The following USP10 variants were observed in gnomAD, a reference collection of about 807,000 sequenced individuals.
The protein encoded by USP10 is ubiquitin carboxyl-terminal hydrolase 10.
In USP10, 22 loss-of-function variants were observed where a neutral mutation model predicts 84.5. The observed-to-expected ratio is 0.26, with a 90% CI of 0.19 to 0.37. The LOEUF (loss-of-function observed/expected upper bound fraction) is 0.37, where lower values mean the gene tolerates loss of function less well. Among genes scored for constraint, USP10 ranks in the 10% least tolerant of loss-of-function variants. USP10 has a pLI of 1.00. For missense variants in USP10, 1,019 were observed against 998.9 expected (o/e 1.02, Z -0.27); for synonymous variants, 454 against 387.6 (o/e 1.17, Z -2.01).
chr16:84,760,119 T>C (rs1342229359), intron 7 of USP10, 53 bp from the exon 8 acceptor site: 3 of 1,559,986 alleles, frequency 1.9e-6, no homozygotes, highest in Admixed American at 1.9e-5. Flanking sequence ...GCTTTTTTCA[T>C]CATTTATGAG....
Position 84,779,076 on chromosome 16 carries a change from G to T in USP10, c.2391G>T (p.Leu797=), listed in dbSNP as rs763824477. ...AYLLYYRRVD[L]L ...TCCTGTATTACCGCCGAGTGGACCT[G>T]CTGTAAACCCTGTGTGCGCTGTGTG... Residue 797 remains leucine, a synonymous_variant, in exon 14 of 14, where the codon CTG becomes CTT. Transcript: ENST00000219473. The T allele has an allele frequency of 1.2e-5, 20 of 1,613,082 alleles. No individual in the cohort carries two copies. In the South Asian group the frequency reaches 1.9e-4, roughly 15 times the overall value.
chr16:84,753,181 G>T (rs1009478423), intron 4 of USP10, among the ~76,000 whole-genome samples: 1 of 152,042 alleles, frequency 6.6e-6, no homozygotes, highest in East Asian at 1.9e-4. Flanking sequence ...GAGTCTCACT[G>T]TGTGGCCCAG....
rs776559739 is a variant in USP10, at chr16:84,760,267, T to C, written c.1546T>C (p.Ser516Pro). Residue 516 changes from serine to proline, a missense_variant, in exon 8 of 14, where the codon TCT becomes CCT. By Grantham distance (74) the Ser-to-Pro change is moderately conservative. Around this residue, in one of 2 missense-constraint regions of USP10, gnomAD observed 787 missense variants for 708.8 expected, o/e 1.11. Transcript: ENST00000219473. ...RLLTVNKSSLSEKGRQEDAEE... is the reference protein window; with the variant it reads ...RLLTVNKSSLPEKGRQEDAEE... ...CCTGACAGTTAACAAGTCAAGCCTG[T>C]CTGAAAAGGTTTGAGACTTCTCTGT... 1 of 1,603,824 alleles carries C rather than the reference T, an allele frequency of 6.2e-7. No individual in the cohort carries two copies. Among genetic ancestry groups the C allele is most frequent in the Non-Finnish European group, 8.5e-7 (1 of 1,174,574 alleles).
intron 12 of USP10, 97 bp from the exon 13 acceptor site, chr16:84,775,063 G>C (rs1567655626): frequency 1.9e-6 from 2 of 1,051,516 alleles, no homozygotes; most frequent in Admixed American, 3.5e-5. Context: ...CTGACAGGCA[G>C]TTTACTTGCT....
intron 11 of USP10, among the ~76,000 whole-genome samples, chr16:84,768,932 C>T (rs1049517752): frequency 1.3e-5 from 2 of 152,116 alleles, no homozygotes; most frequent in African/African-American, 2.4e-5. Flanking sequence ...TGGTGGAGTC[C>T]TTGTCAACTC....
intron 1 of USP10, among the ~76,000 whole-genome samples, chr16:84,707,146 A>G (rs1320756240): frequency 6.6e-6 from 1 of 152,156 alleles, no homozygotes; most frequent in Non-Finnish European, 1.5e-5. Context: ...TTTGACTTCT[A>G]AATCCTTTGC....
At chr16:84,778,233 A>G (rs1189477089) in intron 13 of USP10, among the ~76,000 whole-genome samples, 5 of 152,134 alleles carry the variant, frequency 3.3e-5, no homozygotes, top group Non-Finnish European at 5.9e-5. Flanking sequence ...AACCGTGGTT[A>G]GCAGTCCCAG....
chr16:84,778,822 A>G (rs1413515716), intron 13 of USP10, 73 bp from the exon 14 acceptor site: 1 of 1,445,752 alleles, frequency 6.9e-7, no homozygotes, highest in Admixed American at 2.1e-5. Context: ...CCCTGGAGGG[A>G]AGTCGGCGGA....
intron 1 of USP10, among the ~76,000 whole-genome samples, chr16:84,721,566 C>T (rs1907817860): frequency 6.6e-6 from 1 of 152,074 alleles, no homozygotes; most frequent in Non-Finnish European, 1.5e-5. Flanking sequence ...CTTGCTCTGT[C>T]TCCCAGGCTG....
intron 1 of USP10, among the ~76,000 whole-genome samples, chr16:84,708,167 T>C (rs950435469): frequency 6.6e-6 from 1 of 151,668 alleles, no homozygotes; most frequent in Non-Finnish European, 1.5e-5. Flanking sequence ...AAAAGAGGTC[T>C]GGCTGGGCGT....
chr16:84,716,058 C>A (rs1906973154), intron 1 of USP10: 1 of 152,502 alleles, frequency 6.6e-6, no homozygotes, highest in Admixed American at 6.5e-5. Context: ...CCAAGCAGGG[C>A]TCCCATCTGG....
rs956859913 is a variant in USP10 at position 84,748,911 on chromosome 16, C to T, written c.1192+3238C>T. On this transcript the variant is annotated intron_variant, in intron 4 of 13. Coordinates refer to ENST00000219473, the MANE Select transcript of USP10 (RefSeq NM_005153.3). ...TATTTTTGTGTGGACATATTGTAAACCCCTACCAAACAGATTATTTTTTTA... is the reference window on the plus strand; with the variant it reads ...TATTTTTGTGTGGACATATTGTAAATCCCTACCAAACAGATTATTTTTTTA... Among the ~76,000 whole-genome samples the T allele has an allele frequency of 3.3e-5, 5 of 152,306 alleles. No homozygotes were observed. The South Asian group carries it at 1.0e-3, about 32-fold the overall frequency.
intron 8 of USP10, among the ~76,000 whole-genome samples, chr16:84,761,145 T>G (rs1009112939): frequency 6.6e-6 from 1 of 152,114 alleles, no homozygotes; most frequent in Admixed American, 6.5e-5. Flanking sequence ...TGGAATGAAG[T>G]GCGCCCTCTG....
chr16:84,738,099 G>GTGCTGGTTTT (rs71151243), intron 2 of USP10, among the ~76,000 whole-genome samples: 1 of 151,628 alleles, frequency 6.6e-6, no homozygotes, highest in East Asian at 1.9e-4. Context: ...TCTCTGCCTT[G>GTGCTGGTTTT]TGAAGTGGAT....
intron 4 of USP10, 119 bp from the exon 5 acceptor site, chr16:84,758,597 G>T (rs2150847136): frequency 2.8e-6 from 2 of 704,830 alleles, no homozygotes; most frequent in East Asian, 5.1e-5. Flanking sequence ...CATTTTCTTT[G>T]GCTGTGTGTT....
chr16:84,778,696 T>C (rs186529458), intron 13 of USP10, among the ~76,000 whole-genome samples, 199 bp from the exon 14 acceptor site: 4 of 152,354 alleles, frequency 2.6e-5, no homozygotes, highest in African/African-American at 9.6e-5. Flanking sequence ...CTTGCAGTTA[T>C]AGAAAAGTTT....
At chr16:84,740,651 C>G (rs1329202448) in intron 3 of USP10, among the ~76,000 whole-genome samples, 1 of 152,238 alleles carries the variant, frequency 6.6e-6, no homozygotes, top group Non-Finnish European at 1.5e-5. Flanking sequence ...AGGTATGTTA[C>G]TCTTCATCAG....
intron 1 of USP10, among the ~76,000 whole-genome samples, chr16:84,718,695 G>T (rs1023188738): frequency 7.2e-5 from 11 of 151,842 alleles, no homozygotes; most frequent in Admixed American, 3.9e-4. Context: ...GTCGGAGGTT[G>T]CAGTGAACTG....
At chr16:84,777,920 C>A (rs1452125957) in intron 13 of USP10, among the ~76,000 whole-genome samples, 2 of 152,236 alleles carry the variant, frequency 1.3e-5, no homozygotes, top group Non-Finnish European at 2.9e-5. Flanking sequence ...GCCGCCTTCC[C>A]GAGGCTGGTG....
Sources: allele counts gnomAD v4.1 joint callset (sites outside exome capture counted in the v4.1 genomes callset), GRCh38; gene constraint gnomAD v4.1.1; regional missense constraint gnomAD v4.1.1; transcripts MANE v1.5; gene names NCBI Gene and HGNC (gene_info 2026-07-23, HGNC 2026-07-21).